HELZ: variants seen among roughly 807,000 people sequenced by gnomAD.
HELZ encodes the protein ATP-dependent RNA helicase with zinc finger domain.
In HELZ, 23 loss-of-function variants were observed where a neutral mutation model predicts 218.2. The ratio of observed to expected loss-of-function variants is 0.11; its 90% CI spans 0.08 to 0.15. The LOEUF is 0.15. Ranked by LOEUF, HELZ falls within the 10% of genes least tolerant of loss-of-function variation. HELZ has a pLI of 1.00. For missense variants in HELZ, 1,813 were observed against 2,353.7 expected, an observed-to-expected ratio of 0.77 and a Z score of 4.75; for synonymous variants, 814 against 829.4, an observed-to-expected ratio of 0.98 and a Z score of 0.32.
intron 7 of HELZ, among the ~76,000 whole-genome samples, chr17:67,200,142 C>A (rs934895180): frequency 6.6e-6 from 1 of 152,016 alleles, no homozygotes; most frequent in Admixed American, 6.6e-5. Context: ...AATAAATAAG[C>A]CAATTAATCA....
Position 67,086,845 on chromosome 17 carries a change from C to A in HELZ, c.5478G>T (p.Gln1826His), listed in dbSNP as rs1567788226. The part of the protein sequence containing the change: ...IPCNGSSRTA[Q>H]PRELIAPPKT... ...CTGTCTTACCTATCAACTCTCTGGG[C>A]TGAGCTGTCCTGCTGGATCCATTGC... Residue 1826 changes from glutamine to histidine, a missense_variant, in exon 32 of 33, where the codon CAG becomes CAT. Gln to His is a conservative substitution (Grantham distance 24, BLOSUM62 0). This residue lies in a region of HELZ where 938 missense variants were observed against 1,027.5 expected (regional missense o/e 0.91). Coordinates refer to ENST00000358691, the MANE Select transcript of HELZ (RefSeq NM_014877.4). 1.2e-6 allele frequency: 2 copies of A among 1,613,520 alleles called. No individual in the cohort carries two copies.
Position 67,078,150 on chromosome 17 carries a change from A to C in HELZ, c.*102T>G. On this transcript the variant is annotated 3_prime_UTR_variant, in exon 33 of 33. Transcript: ENST00000358691. ...TTAAGTGAGAACATATTTAATATTA[A>C]AACAAAGGGAACTGTGCATCTATAG... 1 of 753,094 alleles carries C rather than the reference A, an allele frequency of 1.3e-6. No homozygotes were observed. The highest frequency in any genetic ancestry group is 2.2e-6 in the Non-Finnish European group (1 of 462,786). The allele number at this position is 753,094 out of a possible 1,614,324, so 46.7% of individuals were successfully genotyped here.
chr17:67,230,202 C>G (rs1011321601), intron 3 of HELZ, among the ~76,000 whole-genome samples: 1 of 152,092 alleles, frequency 6.6e-6, no homozygotes, highest in African/African-American at 2.4e-5. Context: ...TTCTTAGTTT[C>G]AAGAATTCCA....
intron 15 of HELZ, among the ~76,000 whole-genome samples, chr17:67,163,421 CAG>C (rs1373217645): frequency 2.0e-5 from 3 of 150,682 alleles, no homozygotes; most frequent in Non-Finnish European, 3.0e-5. Flanking sequence ...TTTTTTGAGA[CAG>C]AGTCTCGCTC....
rs368046612 is a variant in HELZ, at chr17:67,120,616, G to C, written c.3631-4C>G. Reference sequence around the variant, plus strand: ...CCTGGTATCCTGTCCATGGTACCTAGGTTATTAAAAAATAAAATACATGCA... The same window carrying C: ...CCTGGTATCCTGTCCATGGTACCTACGTTATTAAAAAATAAAATACATGCA... On this transcript the variant is annotated splice_region_variant and splice_polypyrimidine_tract_variant and intron_variant, in intron 26 of 32. Coordinates refer to ENST00000358691, the MANE Select transcript of HELZ (RefSeq NM_014877.4). 9 of 1,604,680 alleles carry C rather than the reference G, an allele frequency of 5.6e-6. No homozygotes were observed. The highest frequency in any genetic ancestry group is 1.3e-5 in the African/African-American group (1 of 74,684).
At chr17:67,163,051 A>G (rs1431444122) in intron 15 of HELZ, among the ~76,000 whole-genome samples, 3 of 152,134 alleles carry the variant, frequency 2.0e-5, no homozygotes, top group African/African-American at 7.2e-5. Flanking sequence ...CCTGCCCCCA[A>G]TGGTTCCTTT....
chr17:67,092,598 A>T (rs1488774570), intron 31 of HELZ, among the ~76,000 whole-genome samples: 1 of 152,222 alleles, frequency 6.6e-6, no homozygotes, highest in Non-Finnish European at 1.5e-5. Flanking sequence ...AGCACTAAAA[A>T]GTCCCCAGTG....
chr17:67,236,834 A>G (rs2041197520), intron 3 of HELZ, among the ~76,000 whole-genome samples: 1 of 152,154 alleles, frequency 6.6e-6, no homozygotes, highest in South Asian at 2.1e-4. Context: ...GTTCCAGGAC[A>G]CAAGCTTGAT....
chr17:67,117,736 G>A, intron 27 of HELZ, among the ~76,000 whole-genome samples: 1 of 152,110 alleles, frequency 6.6e-6, no homozygotes, highest in African/African-American at 2.4e-5. Flanking sequence ...TTTTAGTAGA[G>A]ACAGGGTTTT....
intron 18 of HELZ, 43 bp downstream of exon 18, chr17:67,151,003 C>A: frequency 6.4e-7 from 1 of 1,562,462 alleles, no homozygotes; most frequent in South Asian, 1.2e-5. Flanking sequence ...AAACTGAATT[C>A]ATAAGCCCTA....
At chr17:67,088,387 A>G (rs192326372) in intron 31 of HELZ, among the ~76,000 whole-genome samples, 165 of 152,368 alleles carry the variant, frequency 1.1e-3, no homozygotes, top group African/African-American at 3.7e-3. Context: ...ATGAACTGGC[A>G]TAACAATAAC....
At chr17:67,086,743 G>A in intron 32 of HELZ, 86 bp downstream of exon 32, 2 of 1,384,554 alleles carry the variant, frequency 1.4e-6, no homozygotes, top group Non-Finnish European at 2.0e-6. Flanking sequence ...AATGCAAATT[G>A]GGGGCAGGTG....
At chr17:67,197,817 C>T (rs938774712) in intron 7 of HELZ, among the ~76,000 whole-genome samples, 6 of 152,198 alleles carry the variant, frequency 3.9e-5, no homozygotes, top group African/African-American at 1.4e-4. Context: ...ACTGTTTCCA[C>T]AGGAAAATGC....
chr17:67,162,210 G>A (rs1567853520), intron 15 of HELZ, among the ~76,000 whole-genome samples: 1 of 152,030 alleles, frequency 6.6e-6, no homozygotes, highest in Non-Finnish European at 1.5e-5. Context: ...GAGACCAGCA[G>A]TTCAAGACCA....
At chr17:67,186,295 C>T (rs1178454045) in intron 12 of HELZ, among the ~76,000 whole-genome samples, 3 of 152,082 alleles carry the variant, frequency 2.0e-5, no homozygotes, top group South Asian at 4.1e-4. Flanking sequence ...TGATGTCGTA[C>T]GAGGCTTCAG....
intron 15 of HELZ, among the ~76,000 whole-genome samples, chr17:67,162,228 C>T (rs1013372459): frequency 6.6e-6 from 1 of 152,040 alleles, no homozygotes; most frequent in Admixed American, 6.6e-5. Context: ...CCACCCTGAG[C>T]AACACAGCAA....
rs532961248 is a variant in HELZ, at chr17:67,229,558, T to C, written c.-19+9875A>G. ...ATTAGAATCCATTTTATACCATCTT[T>C]ATCCCCATGACAACCATTCAATTCA... On this transcript the variant is annotated intron_variant, in intron 3 of 32. Transcript: ENST00000358691. 4.6e-5 allele frequency among the ~76,000 whole-genome samples: 7 copies of C among 152,322 alleles called. No homozygotes were observed. The South Asian group carries it at 1.4e-3, about 32-fold the overall frequency.
intron 23 of HELZ, among the ~76,000 whole-genome samples, chr17:67,132,817 T>A (rs1420337988): frequency 6.6e-6 from 1 of 152,250 alleles, no homozygotes; most frequent in Non-Finnish European, 1.5e-5. Flanking sequence ...TGAACTGGTA[T>A]AATATACACA....
At position 67,167,681 on chromosome 17, in the gene HELZ, T is replaced by C; in HGVS notation, c.1546A>G (p.Thr516Ala). 1 of 1,614,200 alleles carries C rather than the reference T, an allele frequency of 6.2e-7. No individual in the cohort carries two copies. Among genetic ancestry groups the C allele is most frequent in the Non-Finnish European group, 8.5e-7 (1 of 1,180,030 alleles). Residue 516 changes from threonine (T) to alanine (A), a missense_variant, in exon 14 of 33, where the codon ACA becomes GCA. Around this residue, in one of 4 missense-constraint regions of HELZ, gnomAD observed 714 missense variants for 1,029.2 expected, o/e 0.69. Coordinates refer to ENST00000358691, the MANE Select transcript of HELZ (RefSeq NM_014877.4). ...QLFGRFKLTE[T>A]LSEDTLAGRL... ...CCAGCCAAAGTATCTTCAGAAAGTG[T>C]TTCAGTAAGCTTAAAGCGACCAAAA...
Sources: gnomAD v4.1 joint callset for allele counts (sites outside exome capture counted in the v4.1 genomes callset) on GRCh38, gnomAD v4.1.1 for gene constraint, gnomAD v4.1.1 regional missense constraint, MANE v1.5 for transcripts, NCBI Gene and HGNC (gene_info 2026-07-23, HGNC 2026-07-21) for gene names.